Variants in PRKAG2 observed in about 807,000 individuals in gnomAD.
The protein encoded by PRKAG2 is 5'-AMP-activated protein kinase subunit gamma-2.
A neutral mutation model predicts 69.6 loss-of-function variants in PRKAG2; 26 were observed. That is an observed-to-expected ratio of 0.37 (90% confidence interval 0.27 to 0.52). The LOEUF (loss-of-function observed/expected upper bound fraction) is 0.52, where lower values mean the gene tolerates loss of function less well. PRKAG2 is among the 20% of genes least tolerant of loss of function. The pLI is 0.90. For synonymous variants in PRKAG2, 293 were observed against 285.0 expected (o/e 1.03, Z -0.28); for missense variants, 557 against 740.0 (o/e 0.75, Z 2.87).
rs1195929462 is a variant in PRKAG2, at chr7:151,855,130, CCACACACACCACCCTA to C, written c.114+21361_114+21376del. Among the ~76,000 whole-genome samples, 8 of 52,938 alleles carry C rather than the reference CCACACACACCACCCTA, an allele frequency of 1.5e-4. 1 individual carries two copies. Among genetic ancestry groups the C allele is most frequent in the African/African-American group, 6.7e-4 (6 of 8,988 alleles). The allele number at this position is 52,938 out of a possible 152,430, so 34.7% of individuals were successfully genotyped here. ...CACCACCCTACACACACACCATCCT[CCACACACACCACCCTA>C]CACACACACCATCCTCCACACACAC... is the stretch of plus-strand genomic sequence containing the variant. On this transcript the variant is annotated intron_variant, in intron 1 of 15. Transcript: ENST00000287878.
chr7:151,572,745 T>C (rs375105127), intron 8 of PRKAG2, 36 bp from the exon 9 acceptor site: 29 of 1,205,006 alleles, frequency 2.4e-5, no homozygotes, highest in Non-Finnish European at 3.1e-5. Flanking sequence ...TAAATATACA[T>C]ATACAACATA....
At position 151,593,034 on chromosome 7, in the gene PRKAG2, G is replaced by A. The variant is rs74359683; in HGVS notation, c.864+2311C>T. 9.2e-5 allele frequency among the ~76,000 whole-genome samples: 14 copies of A among 152,298 alleles called. 1 individual carries two copies. In the East Asian group the frequency reaches 2.5e-3, roughly 27 times the overall value. On this transcript the variant is annotated intron_variant, in intron 6 of 15. Transcript: ENST00000287878. The stretch of plus-strand genomic sequence containing the variant: ...GATGCTCACAGCTCCTCTTAATTAC[G>A]GAAGTGATATTTACTGGATCAGTCA...
In PRKAG2 at chr7:151,699,671, A is replaced by C. The variant is rs1837333448; in HGVS notation, c.467-24034T>G. Among the ~76,000 whole-genome samples, 1 of 152,208 alleles carries C rather than the reference A, an allele frequency of 6.6e-6. No homozygotes were observed. The highest frequency in any genetic ancestry group is 2.4e-5 in the African/African-American group (1 of 41,440). ...GCCTGGGCTTGGGGTAACAGAACCCAGCCTACGGGCCAGAAAGAAATGCAT... is the reference window on the plus strand; with the variant it reads ...GCCTGGGCTTGGGGTAACAGAACCCCGCCTACGGGCCAGAAAGAAATGCAT... On this transcript the variant is annotated intron_variant, in intron 3 of 15. Transcript: ENST00000287878. This position sits in a 1 kb window ranked among gnomAD's most constrained non-coding sequence, Gnocchi z 4.5.
In PRKAG2 at chr7:151,764,377, C is replaced by T. The variant is rs557057949; in HGVS notation, c.466+16775G>A. On this transcript the variant is annotated intron_variant, in intron 3 of 15. Coordinates refer to ENST00000287878, the MANE Select transcript of PRKAG2 (RefSeq NM_016203.4). ...GGCTGTCCAGAGACCCAGAGGTTGG[C>T]GCCCTTCCTTGGATGCTTTTTCATT... Among the ~76,000 whole-genome samples the T allele has an allele frequency of 5.3e-5, 8 of 152,282 alleles. No homozygotes were observed. The East Asian group carries it at 7.7e-4, about 15-fold the overall frequency.
At chr7:151,580,159 C>T (rs975079715) in intron 6 of PRKAG2, among the ~76,000 whole-genome samples, 3 of 152,156 alleles carry the variant, frequency 2.0e-5, no homozygotes, top group East Asian at 1.9e-4. Context: ...GCCTGGCCAA[C>T]GTGATGAAAA....
intron 1 of PRKAG2, among the ~76,000 whole-genome samples, chr7:151,865,952 G>A (rs1250184110): frequency 2.6e-5 from 4 of 151,392 alleles, no homozygotes; most frequent in Non-Finnish European, 4.4e-5. Flanking sequence ...CCTGGGAGGC[G>A]GAGCTTGCAG....
At chr7:151,570,509 A>C (rs1807288179) in intron 9 of PRKAG2, among the ~76,000 whole-genome samples, 1 of 152,242 alleles carries the variant, frequency 6.6e-6, no homozygotes, top group South Asian at 2.1e-4. Flanking sequence ...GAAATCTGAT[A>C]AAAGAGCAAT....
chr7:151,649,570 G>A (rs1266744537), intron 4 of PRKAG2, among the ~76,000 whole-genome samples: 1 of 152,128 alleles, frequency 6.6e-6, no homozygotes, highest in Non-Finnish European at 1.5e-5. Flanking sequence ...TTGGATGTGG[G>A]GCTGGTAGGA....
At chr7:151,722,054 T>C (rs1349216026) in intron 3 of PRKAG2, among the ~76,000 whole-genome samples, 1 of 152,170 alleles carries the variant, frequency 6.6e-6, no homozygotes, top group Non-Finnish European at 1.5e-5. Flanking sequence ...GGCTATTGTT[T>C]CCTGCATGTG....
intron 1 of PRKAG2, among the ~76,000 whole-genome samples, chr7:151,795,401 G>A (rs11489463): frequency 1.1e-3 from 166 of 152,168 alleles, no homozygotes; most frequent in African/African-American, 3.9e-3. Flanking sequence ...GCCTCCATCC[G>A]GAGTAGCTGC....
intron 8 of PRKAG2, among the ~76,000 whole-genome samples, chr7:151,573,333 G>GGT (rs1808109460): frequency 1.2e-5 from 1 of 82,836 alleles, no homozygotes; most frequent in Non-Finnish European, 2.1e-5. Flanking sequence ...ATTTTTGTGG[G>GGT]TTTTTTTTTT....
chr7:151,781,104 CCCCCAGCA>C lies in PRKAG2; in HGVS notation c.466+40_466+47del. 6.2e-7 allele frequency: 1 copy of C among 1,610,268 alleles called. No individual in the cohort carries two copies. Among genetic ancestry groups the C allele is most frequent in the Non-Finnish European group, 8.5e-7 (1 of 1,178,392 alleles). ...CGTGGATGTGTGGCTGCAGAAGAGA[CCCCCAGCA>C]CCCCAGCACCCACCTGAAACAATAG... On this transcript the variant is annotated intron_variant, in intron 3 of 15. Coordinates refer to ENST00000287878, the MANE Select transcript of PRKAG2 (RefSeq NM_016203.4). This position sits in a 1 kb window ranked among gnomAD's most constrained non-coding sequence, Gnocchi z 6.1.
chr7:151,600,409 A>G (rs558183949), intron 5 of PRKAG2, among the ~76,000 whole-genome samples: 2 of 152,352 alleles, frequency 1.3e-5, no homozygotes, highest in South Asian at 2.1e-4. Flanking sequence ...ACAATTTTGT[A>G]TATTTCCTAC....
At chr7:151,590,019 T>C (rs56189422) in intron 6 of PRKAG2, among the ~76,000 whole-genome samples, 1,814 of 152,316 alleles carry the variant, frequency 0.012, 26 homozygotes, top group African/African-American at 0.041. Flanking sequence ...TTCCCATCCA[T>C]GGGTTTAACA....
At position 151,716,699 on chromosome 7, in the gene PRKAG2, T is replaced by C. The variant is rs529587201; in HGVS notation, c.467-41062A>G. Among the ~76,000 whole-genome samples the C allele has an allele frequency of 5.9e-5, 9 of 152,364 alleles. No individual in the cohort carries two copies. In the East Asian group the frequency reaches 1.7e-3, roughly 29 times the overall value. On this transcript the variant is annotated intron_variant, in intron 3 of 15. Coordinates refer to ENST00000287878, the MANE Select transcript of PRKAG2 (RefSeq NM_016203.4). ...AATGGGACTTCATATAAACTCATTC[T>C]GCAAAGAACGGGGACCAGTGAAATT...
chr7:151,790,122 C>A (rs955938980), intron 1 of PRKAG2, among the ~76,000 whole-genome samples: 1 of 152,148 alleles, frequency 6.6e-6, no homozygotes, highest in East Asian at 1.9e-4. Flanking sequence ...TCCAGGGTCC[C>A]ATCCCCAGCC....
At chr7:151,727,980 G>A (rs960247962) in intron 3 of PRKAG2, among the ~76,000 whole-genome samples, 3 of 152,156 alleles carry the variant, frequency 2.0e-5, no homozygotes, top group Admixed American at 6.5e-5. Flanking sequence ...GCGGACGCCC[G>A]GACACTCCCC....
chr7:151,819,366 G>T (rs2078717060), intron 1 of PRKAG2, among the ~76,000 whole-genome samples: 1 of 152,178 alleles, frequency 6.6e-6, no homozygotes, highest in African/African-American at 2.4e-5. Context: ...CCTGCTCTAG[G>T]ATTTCCTTTT....
rs777386852 is a variant in PRKAG2, at chr7:151,780,064, C to T, written c.466+1088G>A. ...CACAACCCACAGGCGGGAGCACCTT[C>T]ATTTGTTTTATGTAGAAAGACGAAG... On this transcript the variant is annotated intron_variant, in intron 3 of 15. Coordinates refer to ENST00000287878, the MANE Select transcript of PRKAG2 (RefSeq NM_016203.4). The surrounding 1 kb of genome is among the most constrained non-coding windows in gnomAD (Gnocchi z 4.2). Among the ~76,000 whole-genome samples, 1 of 152,226 alleles carries T rather than the reference C, an allele frequency of 6.6e-6. No individual in the cohort carries two copies. The highest frequency in any genetic ancestry group is 1.5e-5 in the Non-Finnish European group (1 of 68,032).
Sources: allele counts gnomAD v4.1 joint callset (sites outside exome capture counted in the v4.1 genomes callset), GRCh38; gene constraint gnomAD v4.1.1; non-coding constraint Gnocchi (gnomAD v3.1); transcripts MANE v1.5; gene names NCBI Gene and HGNC (gene_info 2026-07-23, HGNC 2026-07-21).